Variants in ELP2 observed in about 807,000 individuals in gnomAD.
The protein encoded by ELP2 is elongator complex protein 2.
ELP2 carries 90 observed loss-of-function variants against 119.2 expected under a neutral mutation model. The observed-to-expected ratio is 0.75, with a 90% CI of 0.64 to 0.90. The LOEUF is 0.90. Ranked by LOEUF, ELP2 falls within the 40% of genes least tolerant of loss-of-function variation. ELP2 has a pLI of 0.00. For missense variants in ELP2, 921 were observed against 967.8 expected (o/e 0.95, Z 0.64); for synonymous variants, 339 against 331.0 (o/e 1.02, Z -0.26).
chr18:36,130,479 T>C (rs914793970), intron 1 of ELP2, among the ~76,000 whole-genome samples: 2 of 152,250 alleles, frequency 1.3e-5, no homozygotes, highest in Admixed American at 6.5e-5. Context: ...CCTTCAGTTT[T>C]GGTTAATGAA....
intron 1 of ELP2, among the ~76,000 whole-genome samples, chr18:36,132,540 G>A (rs1033573143): frequency 1.2e-4 from 19 of 152,232 alleles, no homozygotes; most frequent in Non-Finnish European, 2.6e-4. Context: ...GAAAGGGGCT[G>A]TAAAGAGGAA....
intron 11 of ELP2, 26 bp downstream of exon 11, chr18:36,146,407 C>T (rs768913334): frequency 3.1e-6 from 5 of 1,610,168 alleles, no homozygotes; most frequent in Non-Finnish European, 4.2e-6. Context: ...TTAAATAAAG[C>T]ATTTCTAATC....
At chr18:36,142,680 A>G in intron 7 of ELP2, 146 bp from the exon 8 acceptor site, 1 of 624,664 alleles carries the variant, frequency 1.6e-6, no homozygotes, top group Non-Finnish European at 2.8e-6. Context: ...AAATGAATAT[A>G]GATCAAATGA....
At position 36,133,175 on chromosome 18, in the gene ELP2, C is replaced by T. The variant is rs1281862406; in HGVS notation, c.139-63C>T. 5.3e-6 allele frequency: 6 copies of T among 1,129,366 alleles called. 1 individual carries two copies. The highest frequency in any genetic ancestry group is 8.0e-6 in the Non-Finnish European group (6 of 750,648). 70.0% of individuals were successfully genotyped at this position (1,129,366 alleles called of 1,614,324 possible). On this transcript the variant is annotated intron_variant, in intron 1 of 21. Coordinates refer to ENST00000358232, the MANE Select transcript of ELP2 (RefSeq NM_018255.4). ...TCGAAAACACTGAAATCTGTTTTTA[C>T]TTATTTATTAATTTTTCTGTAGGAT...
intron 8 of ELP2, 86 bp downstream of exon 8, chr18:36,143,052 G>T: frequency 1.1e-6 from 1 of 920,808 alleles, no homozygotes; most frequent in South Asian, 1.6e-5. Flanking sequence ...CTATGTGAAG[G>T]ATAGTTTTTC....
At chr18:36,158,129 G>C (rs1055794983) in intron 13 of ELP2, among the ~76,000 whole-genome samples, 12 of 152,096 alleles carry the variant, frequency 7.9e-5, no homozygotes, top group African/African-American at 2.9e-4. Context: ...TGTGTCCCAG[G>C]TAGCCATTTT....
rs1021971822 is a variant in ELP2, at chr18:36,176,023, T to A, written c.*1382T>A. On this transcript the variant is annotated 3_prime_UTR_variant, in exon 22 of 22. Transcript: ENST00000358232. The stretch of plus-strand genomic sequence containing the variant: ...ATAGTGTGAGCTACATATGTAATTT[T>A]AAAATTTTCAAGTAGCCACATAATA... The A allele has an allele frequency of 1.3e-5, 2 of 152,220 alleles. No homozygotes were observed. Among genetic ancestry groups the A allele is most frequent in the South Asian group, 2.1e-4 (1 of 4,822 alleles). 9.4% of individuals were successfully genotyped at this position (152,220 alleles called of 1,614,324 possible). A position where few individuals can be genotyped will look rare whatever the true frequency, so the allele number is the denominator to read the frequency against.
chr18:36,160,904 T>C (rs1205294401), intron 16 of ELP2, 28 bp from the exon 17 acceptor site: 1 of 1,462,180 alleles, frequency 6.8e-7, no homozygotes, highest in Non-Finnish European at 9.6e-7. Flanking sequence ...CATTTGCTAA[T>C]AGTACTTTTT....
intron 6 of ELP2, among the ~76,000 whole-genome samples, 183 bp from the exon 7 acceptor site, chr18:36,142,098 T>C (rs1234756549): frequency 6.6e-6 from 1 of 152,178 alleles, no homozygotes; most frequent in Non-Finnish European, 1.5e-5. Flanking sequence ...GGTGCTCCAG[T>C]TAGTGATTTA....
At chr18:36,165,489 A>G (rs967322894) in intron 18 of ELP2, among the ~76,000 whole-genome samples, 1 of 152,306 alleles carries the variant, frequency 6.6e-6, no homozygotes, top group Admixed American at 6.5e-5. Flanking sequence ...TTTAGAGAAC[A>G]CCCAGGGACT....
intron 19 of ELP2, among the ~76,000 whole-genome samples, chr18:36,169,268 T>C (rs1010000750): frequency 6.6e-6 from 1 of 151,990 alleles, no homozygotes; most frequent in African/African-American, 2.4e-5. Flanking sequence ...CCTTGAGGCA[T>C]GAGCTTCCAG....
In ELP2 at chr18:36,176,844, T is replaced by C. The variant is rs1292392062; in HGVS notation, c.*2203T>C. The C allele has an allele frequency of 6.6e-6, 1 of 152,230 alleles. No individual in the cohort carries two copies. Among genetic ancestry groups the C allele is most frequent in the Non-Finnish European group, 1.5e-5 (1 of 68,046 alleles). The allele number at this position is 152,230 out of a possible 1,614,324, so 9.4% of individuals were successfully genotyped here. A position where few individuals can be genotyped will look rare whatever the true frequency, so the allele number is the denominator to read the frequency against. Reference sequence around the variant, plus strand: ...CTGAGCAGGATGGCAAAAGTGGCAGTCCGTGACGCAGCCCTTGTTACCCCA... The same window carrying C: ...CTGAGCAGGATGGCAAAAGTGGCAGCCCGTGACGCAGCCCTTGTTACCCCA... On this transcript the variant is annotated 3_prime_UTR_variant, in exon 22 of 22. Coordinates refer to ENST00000358232, the MANE Select transcript of ELP2 (RefSeq NM_018255.4).
chr18:36,139,726 C>G (rs2089956621), intron 5 of ELP2: 1 of 902,444 alleles, frequency 1.1e-6, no homozygotes, highest in Admixed American at 2.9e-5. Flanking sequence ...TAGAAAAAGT[C>G]TCTTATCTAG....
At chr18:36,141,017 AGTG>A (rs982191999) in intron 5 of ELP2, 117 bp from the exon 6 acceptor site, 4 of 804,432 alleles carry the variant, frequency 5.0e-6, no homozygotes, top group Non-Finnish European at 8.9e-6. Context: ...TTATTCGTGT[AGTG>A]GTGTGGGAAA....
chr18:36,159,021 A>G, intron 14 of ELP2, 117 bp downstream of exon 14: 1 of 739,424 alleles, frequency 1.4e-6, no homozygotes. Context: ...AAATCACAGT[A>G]TATCTTTTCT....
intron 11 of ELP2, among the ~76,000 whole-genome samples, chr18:36,150,390 C>T (rs1030987119): frequency 2.0e-5 from 3 of 152,136 alleles, no homozygotes; most frequent in South Asian, 2.1e-4. Context: ...AAAGCATTTC[C>T]GTTTTATTAT....
intron 11 of ELP2, among the ~76,000 whole-genome samples, chr18:36,147,566 C>G (rs147731842): frequency 0.035 from 5,302 of 152,004 alleles, 160 homozygotes; most frequent in Non-Finnish European, 0.055. Context: ...AGGTGCCTAC[C>G]ACCATATCTG....
rs144820373 is a variant in ELP2 at position 36,145,897 on chromosome 18, A to G, written c.893-51A>G. On this transcript the variant is annotated intron_variant, in intron 9 of 21. Coordinates refer to ENST00000358232, the MANE Select transcript of ELP2 (RefSeq NM_018255.4). ...GTTTGTTGTTTTTTTCTGGTCATCT[A>G]CAAACATGATGATTGTTGATCACCT... The G allele has an allele frequency of 6.9e-5, 101 of 1,472,764 alleles. No individual in the cohort carries two copies. The African/African-American group carries it at 1.3e-3, about 19-fold the overall frequency. The allele number at this position is 1,472,764 out of a possible 1,614,324, so 91.2% of individuals were successfully genotyped here. A position where few individuals can be genotyped will look rare whatever the true frequency, so the allele number is the denominator to read the frequency against.
chr18:36,133,739 T>G (rs949150725), intron 2 of ELP2, among the ~76,000 whole-genome samples: 1 of 63,138 alleles, frequency 1.6e-5, no homozygotes, highest in Non-Finnish European at 3.8e-5. Flanking sequence ...TTTATTTATT[T>G]TTTTTTTGCC....
Sources: allele counts gnomAD v4.1 joint callset (sites outside exome capture counted in the v4.1 genomes callset), GRCh38; gene constraint gnomAD v4.1.1; transcripts MANE v1.5; gene names NCBI Gene and HGNC (gene_info 2026-07-23, HGNC 2026-07-21).